Variants in DPYSL3 observed in about 807,000 individuals in gnomAD.
DPYSL3 encodes dihydropyrimidinase-related protein 3.
DPYSL3 carries 16 observed loss-of-function variants against 66.1 expected under a neutral mutation model. That is an observed-to-expected ratio of 0.24 (90% CI 0.16 to 0.37). The LOEUF (loss-of-function observed/expected upper bound fraction) is 0.37, where lower values mean the gene tolerates loss of function less well. Ranked by LOEUF, DPYSL3 falls within the 10% of genes least tolerant of loss-of-function variation. DPYSL3 has a pLI of 1.00. For missense variants in DPYSL3, 738 were observed against 916.2 expected, an observed-to-expected ratio of 0.81 and a Z score of 2.51; for synonymous variants, 338 against 345.1, an observed-to-expected ratio of 0.98 and a Z score of 0.23.
intron 1 of DPYSL3, among the ~76,000 whole-genome samples, chr5:147,461,260 G>C (rs1752927028): frequency 6.6e-6 from 1 of 152,164 alleles, no homozygotes; most frequent in South Asian, 2.1e-4. Context: ...GATTAGGGTT[G>C]GGGAGGCCAG....
chr5:147,397,101 TA>T (rs1304129541), intron 12 of DPYSL3, among the ~76,000 whole-genome samples: 1 of 148,452 alleles, frequency 6.7e-6, no homozygotes, highest in African/African-American at 2.4e-5. Flanking sequence ...ATTGTAAATA[TA>T]TATTTAATTT....
chr5:147,405,634 G>A lies in DPYSL3; in HGVS notation c.1129C>T (p.Leu377Phe), dbSNP rs1156238918. ...TKVMSKSAADLISQARKKGNV... is the reference protein window; with the variant it reads ...TKVMSKSAADFISQARKKGNV... ...CCTTTTTTCCTGGCTTGTGAGATGAGGTCAGCTGCACTCTTGCTCATGACC... is the reference window on the plus strand; with the variant it reads ...CCTTTTTTCCTGGCTTGTGAGATGAAGTCAGCTGCACTCTTGCTCATGACC... Residue 377 changes from leucine (L) to phenylalanine (F), a missense_variant, in exon 8 of 14, where the codon CTC becomes TTC. Transcript: ENST00000343218. 1.2e-6 allele frequency: 2 copies of A among 1,613,394 alleles called. No individual in the cohort carries two copies. The highest frequency in any genetic ancestry group is 1.1e-5 in the South Asian group (1 of 90,950).
rs752895926 is a variant in DPYSL3, at chr5:147,395,576, G to A, written c.1949C>T (p.Ser650Leu). 5.0e-6 allele frequency: 8 copies of A among 1,612,930 alleles called. No homozygotes were observed. The highest frequency in any genetic ancestry group is 6.8e-6 in the Non-Finnish European group (8 of 1,179,626). ...PNPPVRNLHQ[S>L]GFSLSGTQVD... The stretch of plus-strand genomic sequence containing the variant: ...CCACTCACCTGACAGGCTAAATCCC[G>A]ACTGATGAAGATTCCTCACAGGTGG... The change falls in exon 13 of 14, where the codon TCG becomes TTG. Residue 650 changes from serine to leucine, a missense_variant. By Grantham distance (145) the Ser-to-Leu change is moderately radical (BLOSUM62 -2). Coordinates refer to ENST00000343218, the MANE Select transcript of DPYSL3 (RefSeq NM_001197294.2).
chr5:147,409,579 G>A (rs1227591472), intron 6 of DPYSL3, among the ~76,000 whole-genome samples: 1 of 152,196 alleles, frequency 6.6e-6, no homozygotes, highest in Non-Finnish European at 1.5e-5. Flanking sequence ...GTGGTTGATG[G>A]CAAAATTCCT....
Position 147,424,883 on chromosome 5 carries a change from G to A in DPYSL3, c.462C>T (p.Gly154=). 6.2e-7 allele frequency: 1 copy of A among 1,608,888 alleles called. No homozygotes were observed. The highest frequency in any genetic ancestry group is 8.5e-7 in the Non-Finnish European group (1 of 1,176,914). Residue 154 remains glycine (G), a synonymous_variant, in exon 2 of 14, where the codon GGC becomes GGT. Coordinates refer to ENST00000343218, the MANE Select transcript of DPYSL3 (RefSeq NM_001197294.2). ...GAATTCCATATACATACTTTATTAA[G>A]CCATCTTCCATGTAAATATCAGCAT... The part of the protein sequence containing the change: ...SFYADIYMED[G]LIKQIGDNLI...
intron 1 of DPYSL3, among the ~76,000 whole-genome samples, chr5:147,463,213 G>A (rs1752961193): frequency 6.6e-6 from 1 of 152,090 alleles, no homozygotes; most frequent in Middle Eastern, 3.2e-3. Context: ...AAAAAAATCT[G>A]AGCCTGGTTT....
At chr5:147,401,072 G>A (rs1166817838) in intron 9 of DPYSL3, among the ~76,000 whole-genome samples, 4 of 152,296 alleles carry the variant, frequency 2.6e-5, no homozygotes, top group Non-Finnish European at 4.4e-5. Context: ...AAAATAAAAT[G>A]TACTCAAATG....
At chr5:147,419,543 G>A (rs893931572) in intron 2 of DPYSL3, among the ~76,000 whole-genome samples, 1 of 152,158 alleles carries the variant, frequency 6.6e-6, no homozygotes, top group African/African-American at 2.4e-5. Flanking sequence ...GGTTAAACAT[G>A]TCCACTATGG....
chr5:147,473,555 CACAA>C (rs1753113403), intron 1 of DPYSL3, among the ~76,000 whole-genome samples: 1 of 152,146 alleles, frequency 6.6e-6, no homozygotes, highest in South Asian at 2.1e-4. Context: ...GAAATGTTAT[CACAA>C]ACAATTTTCT....
intron 1 of DPYSL3, among the ~76,000 whole-genome samples, chr5:147,503,757 T>C (rs1269775287): frequency 2.6e-5 from 4 of 152,242 alleles, no homozygotes; most frequent in Non-Finnish European, 4.4e-5. Context: ...AGGGACCATT[T>C]GGTCTAGCCC....
chr5:147,443,491 G>A (rs967801866), intron 1 of DPYSL3, among the ~76,000 whole-genome samples: 26 of 151,980 alleles, frequency 1.7e-4, no homozygotes, highest in African/African-American at 6.0e-4. Flanking sequence ...GGGTTGGGGG[G>A]GTGATGGGAG....
intron 1 of DPYSL3, among the ~76,000 whole-genome samples, chr5:147,490,945 T>G (rs1330916676): frequency 6.6e-6 from 1 of 152,170 alleles, no homozygotes; most frequent in Non-Finnish European, 1.5e-5. Context: ...TAGTCAATAC[T>G]GGAGAAAAAT....
At chr5:147,418,896 T>G (rs1020965251) in intron 2 of DPYSL3, among the ~76,000 whole-genome samples, 1 of 152,216 alleles carries the variant, frequency 6.6e-6, no homozygotes, top group African/African-American at 2.4e-5. Context: ...AGGGGTCTGA[T>G]AGTGTCTAGA....
chr5:147,409,267 T>C (rs1157639761), intron 6 of DPYSL3, among the ~76,000 whole-genome samples: 1 of 152,242 alleles, frequency 6.6e-6, no homozygotes, highest in Non-Finnish European at 1.5e-5. Context: ...TTTAGTGCTA[T>C]GTTTCCCGAA....
chr5:147,411,992 T>G (rs1007735616), intron 6 of DPYSL3, among the ~76,000 whole-genome samples: 2 of 152,208 alleles, frequency 1.3e-5, no homozygotes, highest in Admixed American at 6.5e-5. Flanking sequence ...AAACCCTTCC[T>G]AAGACACATC....
chr5:147,423,284 G>A (rs746452684), intron 2 of DPYSL3, among the ~76,000 whole-genome samples: 100 of 152,098 alleles, frequency 6.6e-4, no homozygotes, highest in Admixed American at 9.2e-4. Context: ...AATTGGCAAG[G>A]TAACTATGAA....
Position 147,401,679 on chromosome 5 carries a change from C to A in DPYSL3, c.1171G>T (p.Glu391Ter). 6.2e-7 allele frequency: 1 copy of A among 1,614,090 alleles called. No homozygotes were observed. The highest frequency in any genetic ancestry group is 8.5e-7 in the Non-Finnish European group (1 of 1,180,012). Reference protein sequence around the residue: ...ARKKGNVVFGEPITASLGIDG... With the variant: ...ARKKGNVVFG The stretch of plus-strand genomic sequence containing the variant: ...ATGCCGAGGCTGGCAGTGATGGGCT[C>A]ACCAAAGACTACATTTCCTAGAAGG... Residue 391 changes from glutamate to a stop codon, truncating the protein, a stop_gained, in exon 9 of 14, where the codon GAG (glutamate) becomes TAG (stop). Transcript: ENST00000343218. LOFTEE classifies it high-confidence loss of function.
intron 12 of DPYSL3, among the ~76,000 whole-genome samples, chr5:147,397,121 C>T (rs1758009973): frequency 6.8e-6 from 1 of 146,764 alleles, no homozygotes; most frequent in African/African-American, 2.5e-5. Context: ...TTCTCTGCAC[C>T]TCCATTTTTT....
intron 1 of DPYSL3, among the ~76,000 whole-genome samples, chr5:147,476,303 T>C (rs1237321532): frequency 6.6e-6 from 1 of 152,170 alleles, no homozygotes; most frequent in East Asian, 1.9e-4. Context: ...AAAATTTCAG[T>C]TATCCAGGGT....
Sources: allele counts gnomAD v4.1 joint callset (sites outside exome capture counted in the v4.1 genomes callset), GRCh38; gene constraint gnomAD v4.1.1; transcripts MANE v1.5; gene names NCBI Gene and HGNC (gene_info 2026-07-23, HGNC 2026-07-21).